Variants in KIAA1217 observed in about 807,000 individuals in gnomAD.
KIAA1217 encodes KIAA1217, also known as sickle tail protein homolog.
Under a neutral mutation model 163.9 loss-of-function variants are expected in KIAA1217, and 88 were observed. The observed-to-expected ratio is 0.54, with a 90% CI of 0.45 to 0.64. KIAA1217 has a LOEUF of 0.64. Ranked by LOEUF, KIAA1217 falls within the 30% of genes least tolerant of loss-of-function variation. The pLI is 0.00. For synonymous variants in KIAA1217, 903 were observed against 923.1 expected (o/e 0.98, Z 0.39); for missense variants, 2,372 against 2,475.0 (o/e 0.96, Z 0.88).
chr10:23,832,981 C>T (rs914303042), intron 1 of KIAA1217, among the ~76,000 whole-genome samples: 3 of 152,036 alleles, frequency 2.0e-5, no homozygotes, highest in African/African-American at 4.8e-5. Context: ...AAGAACTGCC[C>T]CCATGATTCA....
intron 6 of KIAA1217, among the ~76,000 whole-genome samples, chr10:24,490,175 T>A (rs539383290): frequency 6.6e-6 from 1 of 152,346 alleles, no homozygotes; most frequent in African/African-American, 2.4e-5. Flanking sequence ...TAGTTAACCA[T>A]ATACACTAAT....
intron 2 of KIAA1217, among the ~76,000 whole-genome samples, chr10:24,082,120 C>T (rs1256222834): frequency 6.6e-6 from 1 of 152,144 alleles, no homozygotes; most frequent in Non-Finnish European, 1.5e-5. Flanking sequence ...GTAATTCAGC[C>T]TCTGGTTAGG....
intron 2 of KIAA1217, among the ~76,000 whole-genome samples, chr10:24,126,701 C>A (rs1887133): frequency 0.016 from 2,363 of 152,080 alleles, 71 homozygotes; most frequent in African/African-American, 0.054. Flanking sequence ...CCTGAACCAC[C>A]CACATAGCCC....
At chr10:23,823,738 A>T (rs1402306287) in intron 1 of KIAA1217, among the ~76,000 whole-genome samples, 1 of 152,174 alleles carries the variant, frequency 6.6e-6, no homozygotes, top group Non-Finnish European at 1.5e-5. Flanking sequence ...ATTCAATAAG[A>T]GTGACTAAAA....
chr10:24,049,241 T>A (rs1184924594), intron 2 of KIAA1217, among the ~76,000 whole-genome samples: 1 of 152,038 alleles, frequency 6.6e-6, no homozygotes. Flanking sequence ...ATAGCCTGCT[T>A]AGGGTAGAGA....
At chr10:24,131,220 T>C (rs1298886418) in intron 2 of KIAA1217, among the ~76,000 whole-genome samples, 1 of 152,186 alleles carries the variant, frequency 6.6e-6, no homozygotes, top group African/African-American at 2.4e-5. Context: ...TCATCCATAA[T>C]AGCTCTGCTG....
At chr10:23,918,689 C>T (rs1842721850) in intron 1 of KIAA1217, among the ~76,000 whole-genome samples, 1 of 151,850 alleles carries the variant, frequency 6.6e-6, no homozygotes, top group Non-Finnish European at 1.5e-5. Flanking sequence ...TAATTTCATA[C>T]CCACAGATAG....
rs114492568 is a variant in KIAA1217, at chr10:24,412,920, C to T, written c.554-20075C>T. Reference sequence around the variant, plus strand: ...TTCCTCCAATAAAACTATCTCCTCCCACAGTTTTCCCCATCTCAATAAATT... The same window carrying T: ...TTCCTCCAATAAAACTATCTCCTCCTACAGTTTTCCCCATCTCAATAAATT... On this transcript the variant is annotated intron_variant, in intron 3 of 20. Coordinates refer to ENST00000376454, the MANE Select transcript of KIAA1217 (RefSeq NM_019590.5). 8.0e-3 allele frequency among the ~76,000 whole-genome samples: 1,216 copies of T among 152,310 alleles called. 18 individuals carry two copies. The highest frequency in any genetic ancestry group is 0.027 in the African/African-American group (1,140 of 41,552).
chr10:23,864,641 G>T (rs1324461490), intron 1 of KIAA1217, among the ~76,000 whole-genome samples: 2 of 151,654 alleles, frequency 1.3e-5, no homozygotes, highest in Non-Finnish European at 2.9e-5. Context: ...AAATACACAT[G>T]AATAGGGCTT....
At chr10:24,032,654 A>C (rs926730141) in intron 2 of KIAA1217, among the ~76,000 whole-genome samples, 1 of 152,216 alleles carries the variant, frequency 6.6e-6, no homozygotes, top group African/African-American at 2.4e-5. Flanking sequence ...GGTCATGCCC[A>C]CTAGAGTCAC....
intron 5 of KIAA1217, among the ~76,000 whole-genome samples, chr10:24,462,033 T>TGAC (rs940460499): frequency 6.6e-5 from 10 of 152,170 alleles, no homozygotes; most frequent in African/African-American, 2.4e-4. Flanking sequence ...TGACTGATGA[T>TGAC]GACTTTGTGC....
chr10:23,983,896 G>T (rs1845869110), intron 1 of KIAA1217, among the ~76,000 whole-genome samples: 1 of 152,110 alleles, frequency 6.6e-6, no homozygotes, highest in Non-Finnish European at 1.5e-5. Context: ...AACTAAAAAG[G>T]CAAGTTAACT....
chr10:24,539,682 G>C (rs1424147238), intron 17 of KIAA1217, among the ~76,000 whole-genome samples: 1 of 152,120 alleles, frequency 6.6e-6, no homozygotes, highest in Non-Finnish European at 1.5e-5. Flanking sequence ...GCTTATTCTG[G>C]ATAATTAATC....
At chr10:23,717,167 C>G (rs1188234155) in intron 1 of KIAA1217, among the ~76,000 whole-genome samples, 1 of 152,122 alleles carries the variant, frequency 6.6e-6, no homozygotes, top group African/African-American at 2.4e-5. Flanking sequence ...TTTTTGTCAT[C>G]TCTAGGTTTC....
At chr10:24,250,867 T>A (rs1305607078) in intron 2 of KIAA1217, among the ~76,000 whole-genome samples, 1 of 150,320 alleles carries the variant, frequency 6.7e-6, no homozygotes, top group Non-Finnish European at 1.5e-5. Flanking sequence ...AGAGAGCAGA[T>A]TGCTTGAGAC....
Position 23,925,632 on chromosome 10 carries a change from G to A in KIAA1217, c.-320-81593G>A, listed in dbSNP as rs533862300. On this transcript the variant is annotated intron_variant, in intron 1 of 18. Coordinates refer to the KIAA1217 transcript ENST00000376462. ...GAAGGCAGAGGCATCAGTTTTCCCT[G>A]AGCCTTTAATCATCCTTCAGGACTT... is the stretch of plus-strand genomic sequence containing the variant. Among the ~76,000 whole-genome samples, 13 of 152,314 alleles carry A rather than the reference G, an allele frequency of 8.5e-5. No individual in the cohort carries two copies. The South Asian group carries it at 1.9e-3, about 22-fold the overall frequency.
In KIAA1217 at chr10:24,543,230, C is replaced by G. The variant is rs764577840; in HGVS notation, c.3960C>G (p.Ser1320=). The part of the protein sequence containing the change: ...EKQNTDKCHV[S]SHTRLTESSV... ...AAAATACGGATAAGTGTCACGTTTC[C>G]TCTCACACTAGACTAACAGAATCAA... Residue 1320 remains serine, a synonymous_variant, in exon 19 of 21, where the codon TCC becomes TCG. Coordinates refer to ENST00000376454, the MANE Select transcript of KIAA1217 (RefSeq NM_019590.5). The G allele has an allele frequency of 9.3e-6, 15 of 1,613,368 alleles. No homozygotes were observed. The South Asian group carries it at 9.9e-5, about 11-fold the overall frequency.
intron 1 of KIAA1217, among the ~76,000 whole-genome samples, chr10:23,872,801 C>A (rs1302605885): frequency 2.0e-5 from 3 of 151,922 alleles, no homozygotes; most frequent in Non-Finnish European, 4.4e-5. Flanking sequence ...AATTTATATA[C>A]ACTTAATTTT....
intron 1 of KIAA1217, among the ~76,000 whole-genome samples, chr10:23,818,638 C>A (rs1385087838): frequency 6.6e-6 from 1 of 152,068 alleles, no homozygotes; most frequent in African/African-American, 2.4e-5. Context: ...CCCAGAGCAC[C>A]TTCTTGCTCC....
Sources: gnomAD v4.1 joint callset for allele counts (sites outside exome capture counted in the v4.1 genomes callset) on GRCh38, gnomAD v4.1.1 for gene constraint, MANE v1.5 for transcripts, NCBI Gene and HGNC (gene_info 2026-07-23, HGNC 2026-07-21) for gene names.